The following PCDH11X variants were observed in gnomAD, a reference collection of about 807,000 sequenced individuals.
The protein encoded by PCDH11X is protocadherin 11 X-linked.
PCDH11X carries 18 observed loss-of-function variants against 53.3 expected under a neutral mutation model. The ratio of observed to expected loss-of-function variants is 0.34; its 90% CI spans 0.23 to 0.50. The LOEUF is 0.50. Among genes scored for constraint, PCDH11X ranks in the 20% least tolerant of loss-of-function variants. The pLI is 0.98. For missense variants in PCDH11X, 570 were observed against 1,032.4 expected, an observed-to-expected ratio of 0.55 and a Z score of 6.14; for synonymous variants, 279 against 393.3, an observed-to-expected ratio of 0.71 and a Z score of 3.44.
At chrX:92,090,054 TC>T (rs762847887) in intron 6 of PCDH11X, among the ~76,000 whole-genome samples, 65 of 110,339 alleles carry the variant, frequency 5.9e-4, no homozygotes, top group Non-Finnish European at 1.1e-3. Context: ...TTTTCTACAG[TC>T]TACATTTTGA....
intron 9 of PCDH11X, among the ~76,000 whole-genome samples, chrX:92,429,844 C>T (rs2072210468): frequency 1.1e-5 from 1 of 89,979 alleles, no homozygotes; most frequent in South Asian, 6.2e-4. Context: ...GATAACTTTT[C>T]TTCCAATATA....
At chrX:91,955,028 T>G (rs1258994992) in intron 6 of PCDH11X, among the ~76,000 whole-genome samples, 4 of 111,178 alleles carry the variant, frequency 3.6e-5, no homozygotes, top group Non-Finnish European at 7.5e-5. Flanking sequence ...AATCTTTGCT[T>G]GCACCTATGT....
rs764648964 is a variant in PCDH11X at position 91,828,685 on chromosome X, G to A, written c.-44-6776G>A. 1.6e-4 allele frequency among the ~76,000 whole-genome samples: 18 copies of A among 111,546 alleles called. No homozygotes were observed. In the Admixed American group the frequency reaches 1.6e-3, roughly 10 times the overall value. On this transcript the variant is annotated intron_variant, in intron 4 of 10. Transcript: ENST00000682573. Reference sequence around the variant, plus strand: ...CCAAGTCGTAAGATTGGTTTTAAAAGGTTGCTATGTCATTTTTGCTTAGCG... The same window carrying A: ...CCAAGTCGTAAGATTGGTTTTAAAAAGTTGCTATGTCATTTTTGCTTAGCG...
chrX:92,615,337 G>T (rs899252044), intron 10 of PCDH11X, among the ~76,000 whole-genome samples: 13 of 111,407 alleles, frequency 1.2e-4, no homozygotes, highest in Non-Finnish European at 1.9e-4. Flanking sequence ...TTGGATTTCT[G>T]CATGGAGGTG....
At chrX:91,812,554 T>C (rs1936324958) in intron 4 of PCDH11X, among the ~76,000 whole-genome samples, 1 of 111,262 alleles carries the variant, frequency 9.0e-6, no homozygotes, top group African/African-American at 3.3e-5. Flanking sequence ...TGTGTGTCTA[T>C]AATTCTTCCA....
In PCDH11X at chrX:92,120,553, A is replaced by G. The variant is rs186543125; in HGVS notation, c.3034-80822A>G. Among the ~76,000 whole-genome samples the G allele has an allele frequency of 3.5e-3, 390 of 112,460 alleles. 2 individuals are homozygous for G. Among genetic ancestry groups the G allele is most frequent in the Non-Finnish European group, 5.0e-3 (267 of 52,959 alleles). Reference sequence around the variant, plus strand: ...ATAATTAGAAATTCACTTTTGATAAAGTAATTCAAATGCTAATTGTCGAAT... The same window carrying G: ...ATAATTAGAAATTCACTTTTGATAAGGTAATTCAAATGCTAATTGTCGAAT... On this transcript the variant is annotated intron_variant, in intron 6 of 10. Coordinates refer to ENST00000682573, the MANE Select transcript of PCDH11X (RefSeq NM_032968.5).
intron 6 of PCDH11X, among the ~76,000 whole-genome samples, chrX:91,918,807 A>T (rs1941654268): frequency 9.0e-6 from 1 of 111,173 alleles, no homozygotes; most frequent in Non-Finnish European, 1.9e-5. Context: ...AAAAATTTTT[A>T]TGAGCACATG....
intron 6 of PCDH11X, among the ~76,000 whole-genome samples, chrX:92,147,942 C>CCTTCCTTCCTTTCTCT (rs2065318045): frequency 1.1e-5 from 1 of 93,981 alleles, no homozygotes; most frequent in African/African-American, 4.1e-5. Flanking sequence ...TTTCTCTCTT[C>CCTTCCTTCCTTTCTCT]CTTCCTTCCT....
At chrX:91,970,787 G>A (rs982248423) in intron 6 of PCDH11X, among the ~76,000 whole-genome samples, 26 of 111,552 alleles carry the variant, frequency 2.3e-4, no homozygotes, top group African/African-American at 6.8e-4. Flanking sequence ...TTCAGGTTCC[G>A]CATCTAAAAA....
chrX:92,292,351 T>C (rs946948437), intron 8 of PCDH11X, among the ~76,000 whole-genome samples: 1 of 112,307 alleles, frequency 8.9e-6, no homozygotes, highest in African/African-American at 3.2e-5. Flanking sequence ...CTGGAACATT[T>C]TACCTGCACA....
chrX:92,221,326 C>CACACACACACACAT (rs1491032276), intron 7 of PCDH11X, among the ~76,000 whole-genome samples: 1 of 93,227 alleles, frequency 1.1e-5, no homozygotes, highest in Admixed American at 1.2e-4. Context: ...CACACACACA[C>CACACACACACACAT]ATATATACGA....
chrX:91,941,899 A>G (rs2061515328), intron 6 of PCDH11X, among the ~76,000 whole-genome samples: 1 of 111,053 alleles, frequency 9.0e-6, no homozygotes, highest in African/African-American at 3.3e-5. Context: ...TAAGGGAAAT[A>G]TACCTGGAAA....
rs1939643453 is a variant in PCDH11X at position 91,876,867 on chromosome X, G to A, written c.627G>A (p.Arg209=). ...PQLIVQKELD[R]EEKDTYVMKV... is the part of the protein sequence containing the mutation. Reference sequence around the variant, plus strand: ...TGATTGTTCAAAAGGAGTTAGATAGGGAAGAGAAGGATACCTACGTGATGA... The same window carrying A: ...TGATTGTTCAAAAGGAGTTAGATAGAGAAGAGAAGGATACCTACGTGATGA... The change falls in exon 6 of 11, where the codon AGG becomes AGA. Residue 209 remains arginine (R), a synonymous_variant. Transcript: ENST00000682573. 8.3e-7 allele frequency: 1 copy of A among 1,208,356 alleles called. No homozygotes were observed. The highest frequency in any genetic ancestry group is 2.2e-5 in the Admixed American group (1 of 45,404).
intron 9 of PCDH11X, among the ~76,000 whole-genome samples, chrX:92,448,133 T>G (rs926089282): frequency 1.5e-4 from 15 of 102,432 alleles, no homozygotes; most frequent in African/African-American, 3.6e-4. Flanking sequence ...GGGGCTTGCC[T>G]TGTCTCAGAT....
At chrX:92,260,304 T>C (rs1197727016) in intron 7 of PCDH11X, among the ~76,000 whole-genome samples, 1 of 111,305 alleles carries the variant, frequency 9.0e-6, no homozygotes, top group Non-Finnish European at 1.9e-5. Context: ...TGGCTAGGGC[T>C]GGTTTAAATG....
At chrX:92,374,054 A>G (rs935204932) in intron 8 of PCDH11X, among the ~76,000 whole-genome samples, 19 of 107,653 alleles carry the variant, frequency 1.8e-4, no homozygotes, top group Non-Finnish European at 3.8e-5. Flanking sequence ...CCAAGGATGC[A>G]TGTTCCTATG....
At chrX:92,419,027 T>G (rs1363199461) in intron 9 of PCDH11X, among the ~76,000 whole-genome samples, 6 of 56,865 alleles carry the variant, frequency 1.1e-4, no homozygotes, top group African/African-American at 2.1e-4. Context: ...GTATTGGGGT[T>G]TTTTTTTTTT....
rs775907612 is a variant in PCDH11X, at chrX:91,869,092, A to G, written c.541-7689A>G. 6.1e-4 allele frequency among the ~76,000 whole-genome samples: 68 copies of G among 111,347 alleles called. 1 individual carries two copies. The South Asian group carries it at 0.013, about 21-fold the overall frequency. Reference sequence around the variant, plus strand: ...GCAAGTTAAAATTGTATTTAATTATATACTCTTAAAATTTTAGATGGTATT... The same window carrying G: ...GCAAGTTAAAATTGTATTTAATTATGTACTCTTAAAATTTTAGATGGTATT... On this transcript the variant is annotated intron_variant, in intron 5 of 10. Transcript: ENST00000682573.
chrX:91,903,677 G>GTGTGTA (rs1432693018), intron 6 of PCDH11X, among the ~76,000 whole-genome samples: 1 of 109,023 alleles, frequency 9.2e-6, no homozygotes, highest in East Asian at 2.9e-4. Context: ...GTGTGTGTGT[G>GTGTGTA]TGTGTGTGTG....
Sources: allele counts gnomAD v4.1 joint callset (sites outside exome capture counted in the v4.1 genomes callset), GRCh38; gene constraint gnomAD v4.1.1; transcripts MANE v1.5; gene names NCBI Gene and HGNC (gene_info 2026-07-23, HGNC 2026-07-21).